Variants in ALG6 observed in about 807,000 individuals in gnomAD.
ALG6 encodes dolichyl pyrophosphate Man9GlcNAc2 alpha-1,3-glucosyltransferase.
Under a neutral mutation model 66.6 loss-of-function variants are expected in ALG6, and 46 were observed. The ratio of observed to expected loss-of-function variants is 0.69; its 90% CI spans 0.55 to 0.88. The LOEUF is 0.88. ALG6 is among the 40% of genes least tolerant of loss of function. The pLI is 0.00. For synonymous variants in ALG6, 185 were observed against 203.7 expected, an observed-to-expected ratio of 0.91 and a Z score of 0.78; for missense variants, 505 against 586.8, an observed-to-expected ratio of 0.86 and a Z score of 1.44.
chr1:63,368,708 C>G (rs1227942923), intron 1 of ALG6, among the ~76,000 whole-genome samples: 2 of 152,054 alleles, frequency 1.3e-5, no homozygotes, highest in Non-Finnish European at 2.9e-5. Context: ...ACCATGTTGA[C>G]CAGGCTGGTC....
rs150030785 is a variant in ALG6, at chr1:63,417,651, A to G, written c.987+1694A>G. Among the ~76,000 whole-genome samples, 1,126 of 152,304 alleles carry G rather than the reference A, an allele frequency of 7.4e-3. 10 individuals are homozygous for G. Among genetic ancestry groups the G allele is most frequent in the African/African-American group, 0.024 (1,015 of 41,560 alleles). Reference sequence around the variant, plus strand: ...TGCATGTATAGCAGCAAAAGGATTTATATTTAATTTTTCAGGTATTGAGTG... The same window carrying G: ...TGCATGTATAGCAGCAAAAGGATTTGTATTTAATTTTTCAGGTATTGAGTG... On this transcript the variant is annotated intron_variant, in intron 11 of 14. Coordinates refer to ENST00000263440, the MANE Select transcript of ALG6 (RefSeq NM_013339.4).
rs374079959 is a variant in ALG6, at chr1:63,386,216, T to C, written c.83-10297T>C. ...TAATGCACTGTTGATTACAGTTTGC[T>C]AGTATTTTGTTGTGGATTTTTGCAT... On this transcript the variant is annotated intron_variant, in intron 2 of 14. Coordinates refer to ENST00000263440, the MANE Select transcript of ALG6 (RefSeq NM_013339.4). 3.3e-5 allele frequency among the ~76,000 whole-genome samples: 5 copies of C among 152,320 alleles called. No individual in the cohort carries two copies. The East Asian group carries it at 9.6e-4, about 29-fold the overall frequency.
chr1:63,406,894 C>A (rs555588435), intron 6 of ALG6, among the ~76,000 whole-genome samples, 168 bp from the exon 7 acceptor site: 1 of 152,090 alleles, frequency 6.6e-6, no homozygotes, highest in African/African-American at 2.4e-5. Flanking sequence ...ATGAAAACTT[C>A]ATTGTCTAAA....
chr1:63,401,693 A>G (rs933868684), intron 3 of ALG6, among the ~76,000 whole-genome samples: 1 of 152,098 alleles, frequency 6.6e-6, no homozygotes, highest in South Asian at 2.1e-4. Context: ...AAATAAGCTT[A>G]TGAACAATGG....
chr1:63,415,441 T>A (rs1339903565), intron 10 of ALG6, among the ~76,000 whole-genome samples: 5 of 152,158 alleles, frequency 3.3e-5, no homozygotes, highest in Non-Finnish European at 7.4e-5. Flanking sequence ...AGATAATCAA[T>A]GTTTGTGAAA....
chr1:63,371,110 GTGTT>G (rs754694777), intron 2 of ALG6, 51 bp downstream of exon 2: 42 of 1,282,210 alleles, frequency 3.3e-5, no homozygotes, highest in Middle Eastern at 3.8e-4. Context: ...CTTTGAATAG[GTGTT>G]TGTTTGGGGA....
chr1:63,398,191 C>T (rs563711063), intron 3 of ALG6, among the ~76,000 whole-genome samples: 1 of 152,276 alleles, frequency 6.6e-6, no homozygotes, highest in Admixed American at 6.5e-5. Flanking sequence ...ATTGAGTTTT[C>T]TATTGATAGG....
chr1:63,387,642 A>C (rs1648543359), intron 2 of ALG6, among the ~76,000 whole-genome samples: 1 of 141,714 alleles, frequency 7.1e-6, no homozygotes, highest in Non-Finnish European at 1.5e-5. Context: ...TCCAGAGTTC[A>C]AGTGATTCTC....
In ALG6 at chr1:63,414,331, A is replaced by G. The variant is rs138654495; in HGVS notation, c.902+185A>G. Among the ~76,000 whole-genome samples, 1,459 of 150,794 alleles carry G rather than the reference A, an allele frequency of 9.7e-3. 19 individuals are homozygous for G. Among genetic ancestry groups the G allele is most frequent in the African/African-American group, 0.033 (1,336 of 40,988 alleles). ...CAGTGGCTTGAGCTCGGCTCACTGC[A>G]GTCTCTGTCTCCTGGGTTCAAGTGA... On this transcript the variant is annotated intron_variant, in intron 10 of 14. Coordinates refer to ENST00000263440, the MANE Select transcript of ALG6 (RefSeq NM_013339.4).
intron 2 of ALG6, among the ~76,000 whole-genome samples, chr1:63,376,213 A>G (rs1042740333): frequency 4.6e-5 from 7 of 152,226 alleles, no homozygotes; most frequent in East Asian, 1.9e-4. Flanking sequence ...ATGTTACTGT[A>G]CTGAATACTG....
At chr1:63,392,678 G>A (rs1648707712) in intron 2 of ALG6, among the ~76,000 whole-genome samples, 1 of 152,158 alleles carries the variant, frequency 6.6e-6, no homozygotes, top group Admixed American at 6.6e-5. Context: ...AGACAGAATT[G>A]AAGCTGAGTA....
At chr1:63,435,129 T>G (rs1341246184) in intron 14 of ALG6, among the ~76,000 whole-genome samples, 1 of 152,134 alleles carries the variant, frequency 6.6e-6, no homozygotes, top group Non-Finnish European at 1.5e-5. Context: ...GGTTCACTAG[T>G]GAATGGGATG....
At chr1:63,436,120 A>C (rs1644677381) in intron 14 of ALG6, among the ~76,000 whole-genome samples, 1 of 152,156 alleles carries the variant, frequency 6.6e-6, no homozygotes, top group African/African-American at 2.4e-5. Context: ...TGCCATGGAA[A>C]ACTTTTTCAC....
intron 12 of ALG6, among the ~76,000 whole-genome samples, chr1:63,425,134 G>GA (rs1644608484): frequency 6.6e-6 from 1 of 152,098 alleles, no homozygotes; most frequent in Non-Finnish European, 1.5e-5. Context: ...GAGTTTTGTT[G>GA]AAAAAGGAAG....
chr1:63,390,676 T>G (rs1428363927), intron 2 of ALG6, among the ~76,000 whole-genome samples: 1 of 152,206 alleles, frequency 6.6e-6, no homozygotes, highest in African/African-American at 2.4e-5. Context: ...AGGTTCCTAC[T>G]GCTGGGATGG....
chr1:63,421,727 C>G (rs1258299440), intron 12 of ALG6, among the ~76,000 whole-genome samples: 1 of 151,946 alleles, frequency 6.6e-6, no homozygotes. Context: ...TTTGCAGGGA[C>G]ACAGATGCAG....
intron 2 of ALG6, among the ~76,000 whole-genome samples, chr1:63,390,136 A>G (rs545543323): frequency 6.6e-6 from 1 of 152,294 alleles, no homozygotes; most frequent in Non-Finnish European, 1.5e-5. Context: ...CAGGTATTGA[A>G]TCCAGCCAGG....
At chr1:63,381,183 G>A (rs372516852) in intron 2 of ALG6, among the ~76,000 whole-genome samples, 11 of 151,914 alleles carry the variant, frequency 7.2e-5, no homozygotes, top group Admixed American at 1.3e-4. Flanking sequence ...GGCCAGGCGC[G>A]GTGGCTCACG....
intron 14 of ALG6, among the ~76,000 whole-genome samples, chr1:63,430,391 G>A (rs181729018): frequency 6.6e-6 from 1 of 152,286 alleles, no homozygotes; most frequent in East Asian, 1.9e-4. Flanking sequence ...GTGCACATAT[G>A]TTTTCATTTC....
Sources: allele counts gnomAD v4.1 joint callset (sites outside exome capture counted in the v4.1 genomes callset), GRCh38; gene constraint gnomAD v4.1.1; transcripts MANE v1.5; gene names NCBI Gene and HGNC (gene_info 2026-07-23, HGNC 2026-07-21).